TENM3: variants seen among roughly 807,000 people sequenced by gnomAD.
TENM3 encodes the protein teneurin transmembrane protein 3.
In TENM3, 63 loss-of-function variants were observed where a neutral mutation model predicts 255.1. The observed-to-expected ratio is 0.25, with a 90% confidence interval of 0.20 to 0.30. The LOEUF is 0.30. Among genes scored for constraint, TENM3 ranks in the 10% least tolerant of loss-of-function variants. TENM3 has a pLI of 1.00. For missense variants in TENM3, 2,929 were observed against 3,461.1 expected, an observed-to-expected ratio of 0.85 and a Z score of 3.86; for synonymous variants, 1,306 against 1,322.3, an observed-to-expected ratio of 0.99 and a Z score of 0.27.
Position 182,799,886 on chromosome 4 carries a change from C to T in TENM3, c.7635C>T (p.Asp2545=). ...TGCACTTCACCATCGAGGGCAAGGA[C>T]ACGCACTACTTCATCAAGACCACCA... The part of the protein sequence containing the change: ...ENLHFTIEGK[D]THYFIKTTTP... Residue 2545 remains aspartate, a synonymous_variant, in exon 28 of 28, where the codon GAC becomes GAT. Transcript: ENST00000511685. The surrounding 1 kb of genome is among the most constrained non-coding windows in gnomAD (Gnocchi z 4.2). The T allele has an allele frequency of 1.2e-6, 2 of 1,610,278 alleles. No homozygotes were observed. Among genetic ancestry groups the T allele is most frequent in the Non-Finnish European group, 8.5e-7 (1 of 1,178,482 alleles).
At chr4:182,531,106 G>A (rs869240) in intron 3 of TENM3, among the ~76,000 whole-genome samples, 45,538 of 151,914 alleles carry the variant, frequency 0.3, 7,480 homozygotes, top group Non-Finnish European at 0.36. Flanking sequence ...GACCAGTGAA[G>A]AAGGCTGGGT....
intron 3 of TENM3, among the ~76,000 whole-genome samples, chr4:182,518,678 T>C (rs1329355350): frequency 6.6e-6 from 1 of 152,194 alleles, no homozygotes; most frequent in South Asian, 2.1e-4. Flanking sequence ...GAACTGCAGC[T>C]CAGCTGACAC....
chr4:181,539,949 C>T, the TENM3 span, among the ~76,000 whole-genome samples: 1 of 152,186 alleles, frequency 6.6e-6, no homozygotes, highest in South Asian at 2.1e-4. Flanking sequence ...AATACCAAGC[C>T]CTCAGGTCTT....
intron 1 of TENM3, among the ~76,000 whole-genome samples, chr4:182,170,071 G>A (rs1751996946): frequency 6.6e-6 from 1 of 150,822 alleles, no homozygotes; most frequent in South Asian, 2.1e-4. Flanking sequence ...TTTGCCATTT[G>A]ATCTTCATTG....
rs1765294371 is a variant in TENM3, at chr4:182,353,157, C to T, written c.511+6228C>T. 3.3e-5 allele frequency among the ~76,000 whole-genome samples: 5 copies of T among 152,226 alleles called. No homozygotes were observed. The South Asian group carries it at 6.2e-4, about 19-fold the overall frequency. On this transcript the variant is annotated intron_variant, in intron 3 of 27. Transcript: ENST00000511685. ...TTTGAAGAGAGGTGTACTTTTTCAC[C>T]TCACTAGCATTATTCCATTCCTTCA...
chr4:181,904,785 C>G, the TENM3 span, among the ~76,000 whole-genome samples: 3 of 152,164 alleles, frequency 2.0e-5, no homozygotes, highest in African/African-American at 7.2e-5. Flanking sequence ...CTTTGTGTCC[C>G]CACCCAAATC....
At chr4:181,760,236 T>A in the TENM3 span, among the ~76,000 whole-genome samples, 1 of 152,016 alleles carries the variant, frequency 6.6e-6, no homozygotes, top group African/African-American at 2.4e-5. Flanking sequence ...TTAAAACATA[T>A]CATCATTAAT....
the TENM3 span, among the ~76,000 whole-genome samples, chr4:182,100,864 T>TC: frequency 1.5e-3 from 1 of 646 alleles, no homozygotes; most frequent in East Asian, 0.083. Flanking sequence ...TATACTCATA[T>TC]ATATATATAT....
the TENM3 span, among the ~76,000 whole-genome samples, chr4:181,641,396 A>G: frequency 1.3e-5 from 2 of 150,662 alleles, no homozygotes; most frequent in Non-Finnish European, 2.9e-5. Flanking sequence ...ACGTTTGCTC[A>G]TTGTTCAGCT....
chr4:182,501,372 G>GT (rs1736300745), intron 3 of TENM3, among the ~76,000 whole-genome samples: 1 of 63,770 alleles, frequency 1.6e-5, no homozygotes, highest in Non-Finnish European at 4.7e-5. Context: ...ATGTCTAAAA[G>GT]TGGGGGGGGG....
the TENM3 span, among the ~76,000 whole-genome samples, chr4:181,542,082 G>C: frequency 6.6e-6 from 1 of 152,124 alleles, no homozygotes; most frequent in African/African-American, 2.4e-5. Flanking sequence ...TTAAATTTTA[G>C]CATGGAAAGA....
At chr4:182,020,274 G>A in the TENM3 span, among the ~76,000 whole-genome samples, 1 of 152,014 alleles carries the variant, frequency 6.6e-6, no homozygotes, top group South Asian at 2.1e-4. Context: ...GCTGAGGCAG[G>A]AGAATTGCTT....
upstream of TENM3, chr4:182,143,152 T>C (rs958701825): frequency 6.0e-6 from 1 of 166,504 alleles, no homozygotes; most frequent in Non-Finnish European, 1.5e-5. The surrounding 1 kb of genome is among the most constrained non-coding windows in gnomAD (Gnocchi z 4.3). Context: ...GAGGGGAGAA[T>C]GGAGAGGAAA....
chr4:182,234,255 G>A (rs1756757917), intron 1 of TENM3, among the ~76,000 whole-genome samples: 1 of 152,186 alleles, frequency 6.6e-6, no homozygotes, highest in South Asian at 2.1e-4. Context: ...CACAGAGCGA[G>A]TGGCCCCTGT....
chr4:181,459,063 G>T, the TENM3 span, among the ~76,000 whole-genome samples: 1 of 151,682 alleles, frequency 6.6e-6, no homozygotes, highest in Non-Finnish European at 1.5e-5. Flanking sequence ...ACAAAAACTT[G>T]GTATTGTCAG....
chr4:181,596,015 G>A, the TENM3 span, among the ~76,000 whole-genome samples: 4 of 151,934 alleles, frequency 2.6e-5, no homozygotes, highest in African/African-American at 4.8e-5. Context: ...TTGTCTTTAC[G>A]ACTTTTATTA....
At chr4:182,045,796 C>G in the TENM3 span, among the ~76,000 whole-genome samples, 3 of 152,184 alleles carry the variant, frequency 2.0e-5, no homozygotes, top group Non-Finnish European at 2.9e-5. Flanking sequence ...TGCCTGTGGT[C>G]CCAGCACTTT....
At chr4:182,290,201 G>A (rs970855194) in intron 1 of TENM3, among the ~76,000 whole-genome samples, 10 of 152,306 alleles carry the variant, frequency 6.6e-5, no homozygotes, top group East Asian at 1.9e-4. Flanking sequence ...TGTGGTAAGT[G>A]TGCGATGAGT....
the TENM3 span, among the ~76,000 whole-genome samples, chr4:181,533,828 T>C: frequency 6.6e-6 from 1 of 152,214 alleles, no homozygotes; most frequent in Non-Finnish European, 1.5e-5. Context: ...AACTCTGTCT[T>C]ATTGGATCCA....
Sources: gnomAD v4.1 joint callset for allele counts (sites outside exome capture counted in the v4.1 genomes callset) on GRCh38, gnomAD v4.1.1 for gene constraint, Gnocchi (gnomAD v3.1) non-coding constraint, MANE v1.5 for transcripts, NCBI Gene and HGNC (gene_info 2026-07-23, HGNC 2026-07-21) for gene names.